Variants in BCAS3 observed in about 807,000 individuals in gnomAD.
BCAS3 encodes the protein BCAS4/BCAS3 fusion.
BCAS3 carries 53 observed loss-of-function variants against 116.1 expected under a neutral mutation model. The ratio of observed to expected loss-of-function variants is 0.46; its 90% CI spans 0.37 to 0.57. The LOEUF (loss-of-function observed/expected upper bound fraction) is 0.57, where lower values mean the gene tolerates loss of function less well. BCAS3 is among the 20% of genes least tolerant of loss of function. The probability of loss-of-function intolerance (pLI) is 0.00; values close to 1 mark genes in which losing one functional copy is unlikely to be tolerated. For synonymous variants in BCAS3, 391 were observed against 408.2 expected (o/e 0.96, Z 0.51); for missense variants, 917 against 1,165.4 (o/e 0.79, Z 3.10).
intron 4 of BCAS3, 96 bp from the exon 5 acceptor site, chr17:60,709,123 G>A (rs2037540990): frequency 3.2e-6 from 2 of 631,576 alleles, no homozygotes; most frequent in African/African-American, 1.8e-5. Flanking sequence ...CTAGACAGGT[G>A]TAAAGATTGA....
rs1379849369 is a variant in BCAS3 at position 61,285,531 on chromosome 17, A to C, written c.2426-82796A>C. On this transcript the variant is annotated intron_variant, in intron 22 of 23. Coordinates refer to ENST00000407086, the MANE Select transcript of BCAS3 (RefSeq NM_017679.5). The surrounding 1 kb of genome is among the most constrained non-coding windows in gnomAD (Gnocchi z 5.4). Reference sequence around the variant, plus strand: ...CGCAGTGAAAATGTTTACTCCTCTAATTAAGCAGAATTAAGGTCTGGGCTC... The same window carrying C: ...CGCAGTGAAAATGTTTACTCCTCTACTTAAGCAGAATTAAGGTCTGGGCTC... 6.6e-6 allele frequency among the ~76,000 whole-genome samples: 1 copy of C among 152,326 alleles called. No homozygotes were observed. Among genetic ancestry groups the C allele is most frequent in the South Asian group, 2.1e-4 (1 of 4,830 alleles).
chr17:60,758,599 C>G (rs2043215363), intron 6 of BCAS3, among the ~76,000 whole-genome samples: 1 of 151,894 alleles, frequency 6.6e-6, no homozygotes, highest in South Asian at 2.1e-4. Flanking sequence ...CCAGGCTGGT[C>G]TCAAACTCCT....
chr17:61,079,403 CA>C (rs1182039669), intron 21 of BCAS3, among the ~76,000 whole-genome samples: 1 of 151,968 alleles, frequency 6.6e-6, no homozygotes, highest in Admixed American at 6.6e-5. Flanking sequence ...AAAATTGTTG[CA>C]AAGTTGGATT....
chr17:61,315,922 T>G lies in BCAS3; in HGVS notation c.2426-52405T>G, dbSNP rs1453954371. ...CTTAAAGTCACCTCTATTGTCCACC[T>G]ACCTACTTCTCTATCTCACTGAACC... On this transcript the variant is annotated intron_variant, in intron 22 of 23. Coordinates refer to ENST00000407086, the MANE Select transcript of BCAS3 (RefSeq NM_017679.5). This position sits in a 1 kb window ranked among gnomAD's most constrained non-coding sequence, Gnocchi z 5.3. Among the ~76,000 whole-genome samples the G allele has an allele frequency of 6.6e-6, 1 of 152,188 alleles. No homozygotes were observed. The highest frequency in any genetic ancestry group is 1.5e-5 in the Non-Finnish European group (1 of 68,030).
intron 5 of BCAS3, among the ~76,000 whole-genome samples, chr17:60,732,268 A>C (rs555756250): frequency 6.6e-6 from 1 of 152,282 alleles, no homozygotes; most frequent in East Asian, 1.9e-4. Context: ...ATTTGTCTCC[A>C]TATGGTTAGT....
At chr17:60,988,165 A>G (rs2063271184) in intron 14 of BCAS3, among the ~76,000 whole-genome samples, 1 of 149,060 alleles carries the variant, frequency 6.7e-6, no homozygotes. Context: ...CATACCTGGG[A>G]TAAATTCCAC....
At chr17:61,331,933 G>C (rs1157607149) in intron 22 of BCAS3, among the ~76,000 whole-genome samples, 2 of 152,178 alleles carry the variant, frequency 1.3e-5, no homozygotes, top group Non-Finnish European at 2.9e-5. Flanking sequence ...TGATGGGCTC[G>C]AGTGGTATGC....
intron 22 of BCAS3, among the ~76,000 whole-genome samples, chr17:61,089,232 GT>G (rs1213924649): frequency 9.2e-5 from 14 of 151,990 alleles, no homozygotes; most frequent in Admixed American, 8.5e-4. Flanking sequence ...TCCCAAACTA[GT>G]TTGATTTGAT....
intron 6 of BCAS3, among the ~76,000 whole-genome samples, chr17:60,756,113 G>A (rs1391865218): frequency 3.9e-5 from 6 of 152,100 alleles, no homozygotes; most frequent in Admixed American, 3.9e-4. Flanking sequence ...CCATGGATGG[G>A]GGGCGTGGTG....
chr17:60,856,804 T>C (rs150662642), intron 7 of BCAS3, among the ~76,000 whole-genome samples: 14 of 152,338 alleles, frequency 9.2e-5, no homozygotes, highest in African/African-American at 3.4e-4. Flanking sequence ...CTGGTTTAAA[T>C]ATTTTGTTTT....
intron 22 of BCAS3, among the ~76,000 whole-genome samples, chr17:61,170,655 G>A (rs1012423239): frequency 6.6e-6 from 1 of 152,186 alleles, no homozygotes; most frequent in African/African-American, 2.4e-5. Flanking sequence ...ATCCCTGAAA[G>A]ATGGGAAATA....
chr17:61,000,493 T>A (rs1186175935), intron 15 of BCAS3, among the ~76,000 whole-genome samples: 1 of 151,756 alleles, frequency 6.6e-6, no homozygotes, highest in African/African-American at 2.4e-5. Flanking sequence ...ATATTACCAA[T>A]CTTATAGAGT....
intron 8 of BCAS3, among the ~76,000 whole-genome samples, chr17:60,874,126 G>A (rs571379384): frequency 1.3e-5 from 2 of 150,632 alleles, no homozygotes; most frequent in East Asian, 3.9e-4. Flanking sequence ...GCGTGCAGTG[G>A]TGTGATCGTA....
rs1241289773 is a variant in BCAS3 at position 61,313,923 on chromosome 17, C to G, written c.2426-54404C>G. Among the ~76,000 whole-genome samples the G allele has an allele frequency of 1.3e-5, 2 of 152,228 alleles. No homozygotes were observed. The highest frequency in any genetic ancestry group is 4.8e-5 in the African/African-American group (2 of 41,466). ...CACTCGCCCGGCCCCATACTTAGTGCTGGCTCCAGAGTCTCGTGGGGGAAG... is the reference window on the plus strand; with the variant it reads ...CACTCGCCCGGCCCCATACTTAGTGGTGGCTCCAGAGTCTCGTGGGGGAAG... On this transcript the variant is annotated intron_variant, in intron 22 of 23. Coordinates refer to ENST00000407086, the MANE Select transcript of BCAS3 (RefSeq NM_017679.5). This position sits in a 1 kb window ranked among gnomAD's most constrained non-coding sequence, Gnocchi z 4.3.
chr17:60,742,426 C>CTTTTT (rs1173664552), intron 5 of BCAS3, among the ~76,000 whole-genome samples: 28 of 103,470 alleles, frequency 2.7e-4, no homozygotes, highest in Non-Finnish European at 3.4e-4. Context: ...TCCTTGACAT[C>CTTTTT]TTTTTTTTTT....
chr17:60,682,592 G>T (rs2033339856), intron 2 of BCAS3, among the ~76,000 whole-genome samples: 1 of 152,092 alleles, frequency 6.6e-6, no homozygotes, highest in East Asian at 1.9e-4. Flanking sequence ...GCGCGGTCTT[G>T]ACTCACTGCA....
Position 60,964,879 on chromosome 17 carries a change from T to C in BCAS3, c.1221+17527T>C, listed in dbSNP as rs997328013. ...ATTTTTTGTGTTTCTGAGGTCTCAG[T>C]TGTTATGTGTCCTTTCTTTGTTTCT... On this transcript the variant is annotated intron_variant, in intron 14 of 23. Coordinates refer to ENST00000407086, the MANE Select transcript of BCAS3 (RefSeq NM_017679.5). The surrounding 1 kb of genome is among the most constrained non-coding windows in gnomAD (Gnocchi z 4.6). Among the ~76,000 whole-genome samples the C allele has an allele frequency of 4.6e-5, 7 of 152,134 alleles. No individual in the cohort carries two copies. Among genetic ancestry groups the C allele is most frequent in the Non-Finnish European group, 1.0e-4 (7 of 68,024 alleles).
intron 12 of BCAS3, among the ~76,000 whole-genome samples, chr17:60,919,615 G>A (rs1449881137): frequency 6.6e-6 from 1 of 151,778 alleles, no homozygotes; most frequent in Non-Finnish European, 1.5e-5. Context: ...GAGCCACCAT[G>A]CCCGGCCCAC....
At chr17:61,225,939 A>G (rs961299008) in intron 22 of BCAS3, among the ~76,000 whole-genome samples, 1 of 152,242 alleles carries the variant, frequency 6.6e-6, no homozygotes, top group Non-Finnish European at 1.5e-5. Flanking sequence ...TACATATGCT[A>G]TGGAAACAAT....
Sources: allele counts gnomAD v4.1 joint callset (sites outside exome capture counted in the v4.1 genomes callset), GRCh38; gene constraint gnomAD v4.1.1; non-coding constraint Gnocchi (gnomAD v3.1); transcripts MANE v1.5; gene names NCBI Gene and HGNC (gene_info 2026-07-23, HGNC 2026-07-21).